The following HYDIN variants were observed in gnomAD, a reference collection of about 807,000 sequenced individuals.
HYDIN encodes the protein HYDIN axonemal central pair apparatus protein.
HYDIN carries 132 observed loss-of-function variants against 403.9 expected under a neutral mutation model. The ratio of observed to expected loss-of-function variants is 0.33; its 90% confidence interval spans 0.28 to 0.38. The LOEUF is 0.38. HYDIN is among the 10% of genes least tolerant of loss of function. HYDIN has a pLI of 1.00. For missense variants in HYDIN, 2,827 were observed against 5,009.5 expected, an observed-to-expected ratio of 0.56 and a Z score of 13.15; for synonymous variants, 1,202 against 1,891.7, an observed-to-expected ratio of 0.64 and a Z score of 9.46.
chr16:70,980,857 C>G (rs1394582), intron 29 of HYDIN, among the ~76,000 whole-genome samples: 44 of 151,968 alleles, frequency 2.9e-4, no homozygotes, highest in Admixed American at 1.3e-3. Context: ...AAATATTCTG[C>G]TACAAAAGGA....
intron 71 of HYDIN, among the ~76,000 whole-genome samples, chr16:70,859,040 A>G (rs751199238): frequency 4.0e-5 from 6 of 151,366 alleles, no homozygotes; most frequent in Admixed American, 6.6e-5. Context: ...AGTGGCTCAC[A>G]CCTGTAATCC....
At chr16:71,229,387 T>C (rs2041181976) in intron 1 of HYDIN, among the ~76,000 whole-genome samples, 1 of 152,170 alleles carries the variant, frequency 6.6e-6, no homozygotes, top group Admixed American at 6.5e-5. Flanking sequence ...ATACTTACCA[T>C]ATAACCTATC....
chr16:71,066,973 C>A (rs1251444528), intron 15 of HYDIN: 5 of 687,070 alleles, frequency 7.3e-6, no homozygotes, highest in Non-Finnish European at 1.3e-5. Context: ...CAGCTCTTCA[C>A]CTCTTCCTGC....
At chr16:71,019,252 G>A (rs2080380994) in intron 22 of HYDIN, among the ~76,000 whole-genome samples, 1 of 152,286 alleles carries the variant, frequency 6.6e-6, no homozygotes, top group Admixed American at 6.5e-5. Context: ...AAGCCACCTC[G>A]TGGTTTTGCA....
In HYDIN at chr16:70,942,541, T is replaced by C. The variant is rs1482098496; in HGVS notation, c.6670-722A>G. Among the ~76,000 whole-genome samples the C allele has an allele frequency of 3.9e-5, 6 of 152,388 alleles. No homozygotes were observed. The East Asian group carries it at 1.2e-3, about 29-fold the overall frequency. ...GTCTTACTGCCTTGGAGCGTAATGA[T>C]TTTGGTAACAGTAACCATTGAAGAA... is the stretch of plus-strand genomic sequence containing the variant. On this transcript the variant is annotated intron_variant, in intron 42 of 85. Coordinates refer to ENST00000393567, the MANE Select transcript of HYDIN (RefSeq NM_001270974.2).
Position 70,884,068 on chromosome 16 carries a change from G to A in HYDIN, c.9831C>T (p.Ser3277=), listed in dbSNP as rs373475787. ...CAACGTTGATGACCTGCTGTCCTCC[G>A]GAAGGAATGGAGCCAAACCCAGGGT... ...TVYPGFGSIP[S]GGQQVINVDC... Residue 3277 remains serine (S), a synonymous_variant, in exon 59 of 86, where the codon TCC becomes TCT. Transcript: ENST00000393567. 2.4e-5 allele frequency: 39 copies of A among 1,612,328 alleles called. No individual in the cohort carries two copies. The highest frequency in any genetic ancestry group is 1.6e-4 in the Middle Eastern group (1 of 6,082).
At chr16:71,106,552 A>G (rs554576407) in intron 10 of HYDIN, among the ~76,000 whole-genome samples, 2 of 152,246 alleles carry the variant, frequency 1.3e-5, no homozygotes, top group African/African-American at 4.8e-5. Flanking sequence ...CATGGTGCCT[A>G]GATATCAAAA....
chr16:70,974,406 C>T (rs1237308582), intron 32 of HYDIN, 106 bp from the exon 33 acceptor site: 7 of 1,504,686 alleles, frequency 4.7e-6, no homozygotes, highest in East Asian at 2.4e-5. Context: ...CAGAGGATCA[C>T]TGAATAGCCC....
intron 7 of HYDIN, among the ~76,000 whole-genome samples, chr16:71,152,389 A>C (rs930893615): frequency 2.0e-5 from 3 of 150,722 alleles, no homozygotes; most frequent in African/African-American, 7.3e-5. Flanking sequence ...GGTTTTTTGG[A>C]GGAACAGGTG....
At chr16:71,228,874 C>T (rs1476524992) in intron 1 of HYDIN, among the ~76,000 whole-genome samples, 2 of 152,070 alleles carry the variant, frequency 1.3e-5, no homozygotes, top group African/African-American at 2.4e-5. Flanking sequence ...TATTGCGGCA[C>T]TATTCACAAT....
At chr16:70,951,489 C>T (rs111767315) in intron 41 of HYDIN, among the ~76,000 whole-genome samples, 1 of 152,028 alleles carries the variant, frequency 6.6e-6, no homozygotes, top group Non-Finnish European at 1.5e-5. Flanking sequence ...ATGCCTCCTA[C>T]ATGCATTACA....
At chr16:70,925,612 G>T (rs986571766) in intron 45 of HYDIN, among the ~76,000 whole-genome samples, 2 of 151,830 alleles carry the variant, frequency 1.3e-5, no homozygotes, top group African/African-American at 4.8e-5. Flanking sequence ...TGACAAATGG[G>T]ATCTAATTAA....
At chr16:71,182,662 T>C (rs72795719) in intron 3 of HYDIN, among the ~76,000 whole-genome samples, 2,909 of 152,262 alleles carry the variant, frequency 0.019, 42 homozygotes, top group Non-Finnish European at 0.031. Context: ...AAGTTTGAGC[T>C]GCCAACCATA....
At chr16:71,149,587 T>G (rs2085455905) in intron 7 of HYDIN, among the ~76,000 whole-genome samples, 1 of 152,134 alleles carries the variant, frequency 6.6e-6, no homozygotes, top group South Asian at 2.1e-4. Context: ...AGTGCAGTAG[T>G]GCAATCTCTG....
At chr16:70,979,372 C>A (rs1465579293) in intron 29 of HYDIN, among the ~76,000 whole-genome samples, 1 of 151,832 alleles carries the variant, frequency 6.6e-6, no homozygotes, top group Non-Finnish European at 1.5e-5. Flanking sequence ...TTGGTTCTAG[C>A]ACTTAAACCC....
chr16:71,107,183 G>A (rs2083647572), intron 10 of HYDIN, among the ~76,000 whole-genome samples: 2 of 151,552 alleles, frequency 1.3e-5, no homozygotes, highest in Non-Finnish European at 2.9e-5. Flanking sequence ...AGCATTAGGA[G>A]ATATACCTAA....
At chr16:71,020,086 T>G (rs201091568) in intron 22 of HYDIN, 88 bp downstream of exon 22, 3 of 1,177,230 alleles carry the variant, frequency 2.5e-6, no homozygotes, top group South Asian at 1.7e-5. Context: ...TGAGCTGAAG[T>G]TGGGTGGTGT....
intron 65 of HYDIN, among the ~76,000 whole-genome samples, chr16:70,871,617 G>C (rs1270890845): frequency 6.6e-6 from 1 of 151,784 alleles, no homozygotes; most frequent in East Asian, 1.9e-4. Context: ...GAAGGATGGA[G>C]CTTGGAACAT....
chr16:71,116,409 A>G (rs1350120511), intron 9 of HYDIN, among the ~76,000 whole-genome samples: 1 of 152,132 alleles, frequency 6.6e-6, no homozygotes, highest in East Asian at 1.9e-4. Flanking sequence ...GTATGTACAC[A>G]CTTCTTTTTT....
Sources: gnomAD v4.1 joint callset for allele counts (sites outside exome capture counted in the v4.1 genomes callset) on GRCh38, gnomAD v4.1.1 for gene constraint, MANE v1.5 for transcripts, NCBI Gene and HGNC (gene_info 2026-07-23, HGNC 2026-07-21) for gene names.